Variants in NPHP4 observed in about 807,000 individuals in gnomAD.
NPHP4 encodes the protein nephrocystin 4.
NPHP4 carries 151 observed loss-of-function variants against 155.8 expected under a neutral mutation model. The ratio of observed to expected loss-of-function variants is 0.97; its 90% CI spans 0.85 to 1.11. NPHP4 has a LOEUF of 1.11. Among genes scored for constraint, NPHP4 ranks in the 50% least tolerant of loss-of-function variants. The pLI is 0.00. For synonymous variants in NPHP4, 845 were observed against 816.8 expected, an observed-to-expected ratio of 1.03 and a Z score of -0.59; for missense variants, 1,956 against 1,925.7, an observed-to-expected ratio of 1.02 and a Z score of -0.29.
At chr1:5,968,713 G>A (rs1172640952) in intron 4 of NPHP4, among the ~76,000 whole-genome samples, 4 of 152,074 alleles carry the variant, frequency 2.6e-5, no homozygotes, top group East Asian at 1.9e-4. Context: ...CATAAGACGA[G>A]CAGTTAAACC....
intron 19 of NPHP4, among the ~76,000 whole-genome samples, chr1:5,878,381 T>A (rs1642843553): frequency 6.6e-6 from 1 of 152,222 alleles, no homozygotes; most frequent in African/African-American, 2.4e-5. Flanking sequence ...ACAGGCCTGG[T>A]CTGAGCTACC....
intron 23 of NPHP4, among the ~76,000 whole-genome samples, chr1:5,870,193 C>T (rs977255428): frequency 1.2e-4 from 19 of 152,124 alleles, no homozygotes; most frequent in Non-Finnish European, 1.9e-4. Context: ...GAGCCTGGGG[C>T]GTCTTGCTGT....
intron 17 of NPHP4, chr1:5,888,556 A>G (rs1051731455): frequency 5.2e-6 from 7 of 1,350,776 alleles, no homozygotes; most frequent in Non-Finnish European, 6.9e-6. Context: ...CTGCATAGAC[A>G]TCGATGATTC....
chr1:5,900,876 CA>C (rs921429089), intron 16 of NPHP4, among the ~76,000 whole-genome samples: 2 of 151,578 alleles, frequency 1.3e-5, no homozygotes, highest in African/African-American at 4.8e-5. Flanking sequence ...ACAAAAACTA[CA>C]AAAAAAATAT....
Position 5,892,159 on chromosome 1 carries a change from C to G in NPHP4, c.2144-1131G>C, listed in dbSNP as rs1644165159. Among the ~76,000 whole-genome samples the G allele has an allele frequency of 6.6e-6, 1 of 152,232 alleles. No individual in the cohort carries two copies. The highest frequency in any genetic ancestry group is 2.1e-4 in the South Asian group (1 of 4,834). ...GGCACCTCAGAGGTGACCAGCCACA[C>G]AGCCCCCACCCCTGCCTGGACTGTG... On this transcript the variant is annotated intron_variant, in intron 16 of 29. Coordinates refer to ENST00000378156, the MANE Select transcript of NPHP4 (RefSeq NM_015102.5). The surrounding 1 kb of genome is among the most constrained non-coding windows in gnomAD (Gnocchi z 4.5).
intron 7 of NPHP4, among the ~76,000 whole-genome samples, chr1:5,948,686 A>G (rs548166168): frequency 6.6e-6 from 1 of 151,988 alleles, no homozygotes; most frequent in Non-Finnish European, 1.5e-5. Context: ...CTGGGGCCCA[A>G]TTCCCTGGAC....
intron 26 of NPHP4, chr1:5,866,156 C>T (rs1641194606): frequency 1.7e-6 from 1 of 578,046 alleles, no homozygotes; most frequent in Non-Finnish European, 3.1e-6. Flanking sequence ...AGCTGCATCC[C>T]AAGTCCCTCA....
chr1:5,982,866 C>T (rs951521772), intron 2 of NPHP4, among the ~76,000 whole-genome samples: 1 of 152,188 alleles, frequency 6.6e-6, no homozygotes, highest in African/African-American at 2.4e-5. Flanking sequence ...CTTAAAAGCA[C>T]AGTAGTCGAT....
At position 5,891,971 on chromosome 1, in the gene NPHP4, G is replaced by GCCCCAAGGGGTGCTCA. The variant is rs536648991; in HGVS notation, c.2144-944_2144-943insTGAGCACCCCTTGGGG. On this transcript the variant is annotated intron_variant, in intron 16 of 29. Transcript: ENST00000378156. ...GCGAAGAGTGCAGGGCCCAGGGTGG[G>GCCCCAAGGGGTGCTCA]CCCCAAGGGGGTGGAGCAAGGACCC... is the stretch of plus-strand genomic sequence containing the variant. Among the ~76,000 whole-genome samples the GCCCCAAGGGGTGCTCA allele has an allele frequency of 1.3e-4, 20 of 152,368 alleles. No individual in the cohort carries two copies. The South Asian group carries it at 2.7e-3, about 20-fold the overall frequency.
In NPHP4 at chr1:5,867,979, C is replaced by G. The variant is rs757169428; in HGVS notation, c.3316-83G>C. 2.7e-6 allele frequency: 4 copies of G among 1,461,688 alleles called. No individual in the cohort carries two copies. In the South Asian group the frequency reaches 4.6e-5, roughly 17 times the overall value. 90.5% of individuals were successfully genotyped at this position (1,461,688 alleles called of 1,614,324 possible). ...GTCCCTCCTTAGACAGCACACGTAT[C>G]TCCACTGTTGCCAAGACCCCCTCAC... On this transcript the variant is annotated intron_variant, in intron 23 of 29. Coordinates refer to ENST00000378156, the MANE Select transcript of NPHP4 (RefSeq NM_015102.5). The surrounding 1 kb of genome is among the most constrained non-coding windows in gnomAD (Gnocchi z 4.1).
chr1:5,923,950 G>C (rs903672373), intron 11 of NPHP4, among the ~76,000 whole-genome samples: 3 of 152,192 alleles, frequency 2.0e-5, no homozygotes, highest in Admixed American at 6.5e-5. Context: ...ATTAGAATTA[G>C]CAAGCCAGGA....
In NPHP4 at chr1:5,890,669, T is replaced by C. The variant is rs901066698; in HGVS notation, c.2304+199A>G. Among the ~76,000 whole-genome samples, 1 of 152,206 alleles carries C rather than the reference T, an allele frequency of 6.6e-6. No individual in the cohort carries two copies. The highest frequency in any genetic ancestry group is 1.5e-5 in the Non-Finnish European group (1 of 68,028). ...TTTCTTGAGCAAACAACTAGCATTA[T>C]AGAATTCAGACAGTGAAAAATCTTT... On this transcript the variant is annotated intron_variant, in intron 17 of 29. Transcript: ENST00000378156. The surrounding 1 kb of genome is among the most constrained non-coding windows in gnomAD (Gnocchi z 4.9).
rs1038247154 is a variant in NPHP4 at position 5,980,429 on chromosome 1, G to A, written c.136-2016C>T. 3.9e-5 allele frequency among the ~76,000 whole-genome samples: 6 copies of A among 152,246 alleles called. No homozygotes were observed. In the South Asian group the frequency reaches 1.2e-3, roughly 32 times the overall value. ...GAGCGCCAGGCGCAAGAGCGTTCAG[G>A]CAGGCCTCACGGCGCGAGGAGAAGC... On this transcript the variant is annotated intron_variant, in intron 2 of 29. Coordinates refer to ENST00000378156, the MANE Select transcript of NPHP4 (RefSeq NM_015102.5).
At chr1:5,951,846 A>C (rs1648130973) in intron 7 of NPHP4, among the ~76,000 whole-genome samples, 1 of 152,192 alleles carries the variant, frequency 6.6e-6, no homozygotes, top group African/African-American at 2.4e-5. Flanking sequence ...CTCTAGAAAC[A>C]ACCTCCCTGG....
At chr1:5,981,859 G>A (rs1208171862) in intron 2 of NPHP4, among the ~76,000 whole-genome samples, 1 of 152,150 alleles carries the variant, frequency 6.6e-6, no homozygotes, top group Non-Finnish European at 1.5e-5. Flanking sequence ...CAGGGCTGCT[G>A]TGTTAATATT....
chr1:5,908,211 C>T (rs1462305258), intron 12 of NPHP4, among the ~76,000 whole-genome samples: 1 of 152,322 alleles, frequency 6.6e-6, no homozygotes, highest in East Asian at 1.9e-4. Context: ...AGACCCTATA[C>T]GGTATCGTGA....
Position 5,867,466 on chromosome 1 carries a change from G to T in NPHP4, c.3472+274C>A, listed in dbSNP as rs1039153946. On this transcript the variant is annotated intron_variant, in intron 24 of 29. Coordinates refer to ENST00000378156, the MANE Select transcript of NPHP4 (RefSeq NM_015102.5). This position sits in a 1 kb window ranked among gnomAD's most constrained non-coding sequence, Gnocchi z 4.1. Reference sequence around the variant, plus strand: ...CGGGCCGTCAGGTGAGGAGGTAGGTGTTCCTCCAGGCACACCTGGACCTGG... The same window carrying T: ...CGGGCCGTCAGGTGAGGAGGTAGGTTTTCCTCCAGGCACACCTGGACCTGG... 9 of 562,866 alleles carry T rather than the reference G, an allele frequency of 1.6e-5. No individual in the cohort carries two copies. Among genetic ancestry groups the T allele is most frequent in the African/African-American group, 1.1e-4 (6 of 53,262 alleles). The allele number at this position is 562,866 out of a possible 1,614,324, so 34.9% of individuals were successfully genotyped here.
chr1:5,913,232 G>GTC (rs1470244801), intron 11 of NPHP4, among the ~76,000 whole-genome samples: 8 of 151,508 alleles, frequency 5.3e-5, no homozygotes, highest in African/African-American at 1.9e-4. Context: ...GGGGCCCTGA[G>GTC]ATGGGGTTGC....
chr1:5,902,892 T>G (rs1299995459), intron 16 of NPHP4, among the ~76,000 whole-genome samples: 1 of 152,006 alleles, frequency 6.6e-6, no homozygotes, highest in Non-Finnish European at 1.5e-5. Context: ...CAGTTCAGAG[T>G]GGTTGTAGGG....
Sources: allele counts gnomAD v4.1 joint callset (sites outside exome capture counted in the v4.1 genomes callset), GRCh38; gene constraint gnomAD v4.1.1; non-coding constraint Gnocchi (gnomAD v3.1); transcripts MANE v1.5; gene names NCBI Gene and HGNC (gene_info 2026-07-23, HGNC 2026-07-21).